The following PRRG1 variants were observed in gnomAD, a reference collection of about 807,000 sequenced individuals.
The protein encoded by PRRG1 is proline rich and Gla domain 1.
Under a neutral mutation model 11.8 loss-of-function variants are expected in PRRG1, and 5 were observed. That is an observed-to-expected ratio of 0.42 (90% confidence interval 0.22 to 0.89). The LOEUF (loss-of-function observed/expected upper bound fraction) is 0.89, where lower values mean the gene tolerates loss of function less well. Ranked by LOEUF, PRRG1 falls within the 40% of genes least tolerant of loss-of-function variation. The pLI is 0.28. For missense variants in PRRG1, 155 were observed against 166.1 expected (o/e 0.93, Z 0.37); for synonymous variants, 66 against 60.4 (o/e 1.09, Z -0.43).
In PRRG1 at chrX:37,453,168, A is replaced by G. The variant is rs140603433; in HGVS notation, c.204A>G (p.Gln68=). The G allele has an allele frequency of 6.2e-4, 750 of 1,206,429 alleles. 3 individuals carry two copies. In the African/African-American group the frequency reaches 0.012, roughly 19 times the overall value. The stretch of plus-strand genomic sequence containing the variant: ...TTTGGAGCACCTACACAAAAGCGCA[A>G]CAAGGGGAGAGTAACCGAGGAAGTG... ...KEFWSTYTKA[Q]QGESNRGSDW... The change falls in exon 4 of 4, where the codon CAA becomes CAG. Residue 68 remains glutamine (Q), a synonymous_variant. Coordinates refer to ENST00000378628, the MANE Select transcript of PRRG1 (RefSeq NM_001142395.2).
At position 37,368,503 on chromosome X, in the gene PRRG1, T is replaced by G. The variant is rs139105391; in HGVS notation, c.-42+19108T>G. On this transcript the variant is annotated intron_variant, in intron 1 of 3. Coordinates refer to ENST00000378628, the MANE Select transcript of PRRG1 (RefSeq NM_001142395.2). ...CATTCTAGCTTTTTGCTTAACTCTTTGCGAGGTGTATCTTTTCCATCTGTG... is the reference window on the plus strand; with the variant it reads ...CATTCTAGCTTTTTGCTTAACTCTTGGCGAGGTGTATCTTTTCCATCTGTG... Among the ~76,000 whole-genome samples, 703 of 112,044 alleles carry G rather than the reference T, an allele frequency of 6.3e-3. 4 individuals carry two copies. The highest frequency in any genetic ancestry group is 0.022 in the African/African-American group (678 of 30,880).
In PRRG1 at chrX:37,354,889, G is replaced by A. The variant is rs139772030; in HGVS notation, c.-42+5494G>A. On this transcript the variant is annotated intron_variant, in intron 1 of 3. Transcript: ENST00000378628. Reference sequence around the variant, plus strand: ...ATTGTGACCAGGAGAACATATCACAGGTATTTGAGGTAATGGCTTTTTTGT... The same window carrying A: ...ATTGTGACCAGGAGAACATATCACAAGTATTTGAGGTAATGGCTTTTTTGT... Among the ~76,000 whole-genome samples the A allele has an allele frequency of 3.4e-3, 380 of 110,411 alleles. 4 individuals carry two copies. The highest frequency in any genetic ancestry group is 0.012 in the African/African-American group (371 of 30,199).
At chrX:37,446,463 TAG>T (rs782352016) in intron 3 of PRRG1, among the ~76,000 whole-genome samples, 8 of 112,038 alleles carry the variant, frequency 7.1e-5, no homozygotes, top group African/African-American at 2.6e-4. Flanking sequence ...CTTTAAGTGT[TAG>T]AAGAAGTAAT....
chrX:37,388,430 A>G (rs1343495554), intron 1 of PRRG1, among the ~76,000 whole-genome samples: 1 of 112,791 alleles, frequency 8.9e-6, no homozygotes, highest in Non-Finnish European at 1.9e-5. Flanking sequence ...GCTTTTCCAT[A>G]CATCCTCTGA....
intron 2 of PRRG1, among the ~76,000 whole-genome samples, chrX:37,409,644 A>G (rs1290178463): frequency 1.8e-5 from 2 of 112,328 alleles, no homozygotes; most frequent in African/African-American, 3.2e-5. Flanking sequence ...TTGCCTGATT[A>G]CATTTGTTAA....
chrX:37,439,557 C>T (rs1193407695), intron 3 of PRRG1, among the ~76,000 whole-genome samples: 1 of 111,445 alleles, frequency 9.0e-6, no homozygotes, highest in Admixed American at 9.5e-5. Flanking sequence ...TTCCCTTCCT[C>T]CCCTCCTCCT....
chrX:37,431,119 T>C (rs1932823565), intron 3 of PRRG1, among the ~76,000 whole-genome samples: 1 of 112,483 alleles, frequency 8.9e-6, no homozygotes, highest in Non-Finnish European at 1.9e-5. Flanking sequence ...TCCATGGTAT[T>C]GATACACCAT....
chrX:37,359,387 T>C (rs1930343239), intron 1 of PRRG1, among the ~76,000 whole-genome samples: 1 of 110,909 alleles, frequency 9.0e-6, no homozygotes, highest in South Asian at 3.8e-4. Flanking sequence ...TTTCTGAATA[T>C]ATGGATATCA....
In PRRG1 at chrX:37,453,469, C is replaced by A; in HGVS notation, c.505C>A (p.Pro169Thr). ...VSTRLSNCDP[P>T]PTYEEATGQV... is the part of the protein sequence containing the mutation. ...TACTCGCCTGTCCAATTGTGATCCC[C>A]CGCCAACCTATGAGGAAGCCACTGG... The change falls in exon 4 of 4, where the codon CCG (proline) becomes ACG (threonine). Residue 169 changes from proline to threonine, a missense_variant. Transcript: ENST00000378628. 9.9e-6 allele frequency: 12 copies of A among 1,210,834 alleles called. No homozygotes were observed. The highest frequency in any genetic ancestry group is 1.3e-5 in the Non-Finnish European group (12 of 895,309).
chrX:37,426,757 C>A (rs1223255981), intron 3 of PRRG1, among the ~76,000 whole-genome samples: 2 of 112,333 alleles, frequency 1.8e-5, no homozygotes, highest in East Asian at 2.8e-4. Flanking sequence ...TCCATAATAC[C>A]ATCATGCAAT....
chrX:37,387,629 T>C (rs1210410849), intron 1 of PRRG1, among the ~76,000 whole-genome samples: 1 of 111,068 alleles, frequency 9.0e-6, no homozygotes, highest in Non-Finnish European at 1.9e-5. Context: ...GGGATGGTGC[T>C]AAACCGTTCA....
At chrX:37,424,773 A>G (rs960199997) in intron 2 of PRRG1, among the ~76,000 whole-genome samples, 11 of 111,375 alleles carry the variant, frequency 9.9e-5, no homozygotes, top group Non-Finnish European at 5.7e-5. Flanking sequence ...CATATATTCT[A>G]TAAAGTAAAA....
chrX:37,401,032 C>T (rs1227434884), intron 1 of PRRG1, among the ~76,000 whole-genome samples: 8 of 110,557 alleles, frequency 7.2e-5, no homozygotes, highest in Non-Finnish European at 1.1e-4. Context: ...CAGATGGATT[C>T]ACAGCCGAAT....
intron 1 of PRRG1, among the ~76,000 whole-genome samples, chrX:37,401,335 CA>C (rs1213778603): frequency 9.0e-6 from 1 of 110,929 alleles, no homozygotes; most frequent in Non-Finnish European, 1.9e-5. Flanking sequence ...TCAATATACG[CA>C]AATCAATAAA....
intron 1 of PRRG1, among the ~76,000 whole-genome samples, chrX:37,360,606 T>C (rs1209128137): frequency 1.7e-4 from 19 of 112,520 alleles, no homozygotes; most frequent in African/African-American, 6.1e-4. Context: ...CCACATGAGC[T>C]TGAGAAAAAT....
intron 3 of PRRG1, among the ~76,000 whole-genome samples, chrX:37,429,469 C>A (rs5917602): frequency 0.2 from 21,988 of 110,955 alleles, 2,511 homozygotes; most frequent in African/African-American, 0.44. Flanking sequence ...AAAATGCCAC[C>A]AGTCTCTTTG....
At chrX:37,353,657 C>T (rs886674804) in intron 1 of PRRG1, among the ~76,000 whole-genome samples, 4 of 111,853 alleles carry the variant, frequency 3.6e-5, no homozygotes, top group Non-Finnish European at 7.5e-5. Flanking sequence ...TTTTACTGTA[C>T]ATTTTCTGTG....
chrX:37,355,849 A>G (rs916316242), intron 1 of PRRG1, among the ~76,000 whole-genome samples: 1 of 112,583 alleles, frequency 8.9e-6, no homozygotes. Context: ...ACTAATGGCT[A>G]CAAGTGTATT....
intron 1 of PRRG1, chrX:37,386,821 G>A (rs1931346615): frequency 1.8e-5 from 2 of 112,216 alleles, no homozygotes; most frequent in South Asian, 3.7e-4. Context: ...AAATTGCAAA[G>A]ATTAAAGGAA....
Sources: allele counts gnomAD v4.1 joint callset (sites outside exome capture counted in the v4.1 genomes callset), GRCh38; gene constraint gnomAD v4.1.1; transcripts MANE v1.5; gene names NCBI Gene and HGNC (gene_info 2026-07-23, HGNC 2026-07-21).